CRPPA: variants seen among roughly 807,000 people sequenced by gnomAD.
The protein encoded by CRPPA is D-ribitol-5-phosphate cytidylyltransferase.
CRPPA carries 43 observed loss-of-function variants against 52.0 expected under a neutral mutation model. That is an observed-to-expected ratio of 0.83 (90% confidence interval 0.65 to 1.07). CRPPA has a LOEUF of 1.07. CRPPA is among the 50% of genes least tolerant of loss of function. The pLI, the probability that CRPPA is intolerant of heterozygous loss-of-function variation, is 0.00. For synonymous variants in CRPPA, 250 were observed against 203.5 expected (o/e 1.23, Z -1.94); for missense variants, 629 against 551.7 (o/e 1.14, Z -1.40).
intron 2 of CRPPA, among the ~76,000 whole-genome samples, chr7:16,380,473 C>T (rs1380855167): frequency 1.4e-4 from 22 of 152,178 alleles, no homozygotes; most frequent in Admixed American, 5.2e-4. Context: ...TGTCTCTGCC[C>T]GGCTTTGGTA....
chr7:16,275,069 G>A (rs1784172481), intron 6 of CRPPA, among the ~76,000 whole-genome samples: 1 of 151,814 alleles, frequency 6.6e-6, no homozygotes, highest in Admixed American at 6.6e-5. Context: ...GAGTGAGACA[G>A]TGTCTAAAAA....
intron 9 of CRPPA, among the ~76,000 whole-genome samples, chr7:16,129,428 G>T (rs1025104534): frequency 6.6e-6 from 1 of 151,942 alleles, no homozygotes; most frequent in African/African-American, 2.4e-5. Context: ...TCCTCCTCAA[G>T]AAAGTCTTTG....
chr7:16,349,895 T>G (rs1786102938), intron 3 of CRPPA, among the ~76,000 whole-genome samples: 1 of 151,792 alleles, frequency 6.6e-6, no homozygotes, highest in African/African-American at 2.4e-5. Flanking sequence ...GAAATCCAGA[T>G]CTAGGAAATC....
At chr7:16,329,128 T>C (rs1026155226) in intron 3 of CRPPA, among the ~76,000 whole-genome samples, 2 of 150,970 alleles carry the variant, frequency 1.3e-5, no homozygotes, top group African/African-American at 2.4e-5. Context: ...CTTGGGGATT[T>C]TTCCATAGGC....
intron 9 of CRPPA, among the ~76,000 whole-genome samples, chr7:16,215,464 T>G (rs1782278852): frequency 6.6e-6 from 1 of 152,234 alleles, no homozygotes; most frequent in Admixed American, 6.5e-5. Context: ...TCATTGTGCT[T>G]TCAGTGTAAC....
At chr7:16,127,898 G>A (rs573465123) in intron 9 of CRPPA, among the ~76,000 whole-genome samples, 40 of 152,196 alleles carry the variant, frequency 2.6e-4, no homozygotes, top group African/African-American at 8.9e-4. Context: ...CTGATTAAAC[G>A]TCAAATGTTA....
At position 16,300,016 on chromosome 7, in the gene CRPPA, G is replaced by A. The variant is rs747147577; in HGVS notation, c.835+1405C>T. Among the ~76,000 whole-genome samples, 18 of 152,244 alleles carry A rather than the reference G, an allele frequency of 1.2e-4. No individual in the cohort carries two copies. The South Asian group carries it at 1.5e-3, about 12-fold the overall frequency. ...ATTTCCTTGTGTTGAGGACACGACC[G>A]ACCACATCATCATTCAGCCGACTTT... On this transcript the variant is annotated intron_variant, in intron 5 of 9. Coordinates refer to ENST00000407010, the MANE Select transcript of CRPPA (RefSeq NM_001101426.4).
chr7:16,376,258 C>T lies in CRPPA; in HGVS notation c.535-17G>A. On this transcript the variant is annotated splice_polypyrimidine_tract_variant and intron_variant, in intron 2 of 9. Coordinates refer to ENST00000407010, the MANE Select transcript of CRPPA (RefSeq NM_001101426.4). ...TCCTGCTGCCTGAAGAACAAAGAGGCAAAGAATATATTTCACCTACAAGCC... is the reference window on the plus strand; with the variant it reads ...TCCTGCTGCCTGAAGAACAAAGAGGTAAAGAATATATTTCACCTACAAGCC... The T allele has an allele frequency of 6.3e-7, 1 of 1,583,144 alleles. No homozygotes were observed. The highest frequency in any genetic ancestry group is 8.6e-7 in the Non-Finnish European group (1 of 1,166,352).
intron 3 of CRPPA, among the ~76,000 whole-genome samples, chr7:16,334,990 G>A (rs1021543442): frequency 1.3e-5 from 2 of 151,874 alleles, no homozygotes; most frequent in African/African-American, 4.8e-5. Context: ...ATGGAGATGT[G>A]TGAAATGACT....
chr7:16,333,507 T>C (rs1785606408), intron 3 of CRPPA, among the ~76,000 whole-genome samples: 4 of 152,154 alleles, frequency 2.6e-5, no homozygotes, highest in African/African-American at 9.7e-5. Context: ...TTAATGAAAA[T>C]TAAAACAGAA....
chr7:16,417,236 G>A (rs376728847), intron 1 of CRPPA, among the ~76,000 whole-genome samples: 1 of 152,310 alleles, frequency 6.6e-6, no homozygotes, highest in East Asian at 1.9e-4. Flanking sequence ...GAAGTTTGGA[G>A]ATTTCTCAAA....
intron 9 of CRPPA, among the ~76,000 whole-genome samples, chr7:16,213,508 G>A (rs559159587): frequency 6.6e-6 from 1 of 152,018 alleles, no homozygotes; most frequent in South Asian, 2.1e-4. Context: ...CAGCACTTTG[G>A]GAGGCTGAGG....
intron 8 of CRPPA, among the ~76,000 whole-genome samples, chr7:16,255,092 G>C (rs889587229): frequency 2.0e-5 from 3 of 152,150 alleles, no homozygotes; most frequent in Non-Finnish European, 2.9e-5. Context: ...CTTCAGCAAA[G>C]TCTCAGGATA....
intron 5 of CRPPA, among the ~76,000 whole-genome samples, chr7:16,286,093 A>ATATATATATATATATATAT (rs1554309913): frequency 3.6e-5 from 1 of 27,724 alleles, no homozygotes; most frequent in Non-Finnish European, 6.3e-5. Flanking sequence ...TATTTAAAAA[A>ATATATATATATATATATAT]AAAAATATAT....
At chr7:16,101,566 G>T (rs1583355534) in intron 9 of CRPPA, among the ~76,000 whole-genome samples, 1 of 151,470 alleles carries the variant, frequency 6.6e-6, no homozygotes, top group South Asian at 2.1e-4. Flanking sequence ...TCTGGCTAGT[G>T]GTCTATCTAG....
At chr7:16,385,121 C>G (rs952574012) in intron 2 of CRPPA, among the ~76,000 whole-genome samples, 3 of 150,870 alleles carry the variant, frequency 2.0e-5, no homozygotes, top group Admixed American at 1.3e-4. Context: ...ACAATCCAAA[C>G]AAATGAGAAA....
chr7:16,286,044 A>AAAAAAAT lies in CRPPA; in HGVS notation c.836-7819_836-7818insATTTTTT, dbSNP rs1784429583. On this transcript the variant is annotated intron_variant, in intron 5 of 9. Coordinates refer to ENST00000407010, the MANE Select transcript of CRPPA (RefSeq NM_001101426.4). ...TCAAAAAAAAAAAAAAAAAAATATA[A>AAAAAAAT]ATATATATATATATATATATATATA... is the stretch of plus-strand genomic sequence containing the variant. 1.6e-4 allele frequency among the ~76,000 whole-genome samples: 2 copies of AAAAAAAT among 12,546 alleles called. 1 individual carries two copies. Among genetic ancestry groups the AAAAAAAT allele is most frequent in the African/African-American group, 1.1e-3 (2 of 1,896 alleles). 8.2% of individuals were successfully genotyped at this position (12,546 alleles called of 152,430 possible).
At chr7:16,345,516 G>A (rs988005820) in intron 3 of CRPPA, among the ~76,000 whole-genome samples, 1 of 152,070 alleles carries the variant, frequency 6.6e-6, no homozygotes, top group African/African-American at 2.4e-5. Flanking sequence ...GACAACTATA[G>A]AGAGCAATAA....
At chr7:16,347,321 A>G (rs1786039386) in intron 3 of CRPPA, among the ~76,000 whole-genome samples, 1 of 152,170 alleles carries the variant, frequency 6.6e-6, no homozygotes. Flanking sequence ...TTATTGCATT[A>G]TCAAAACATT....
Sources: allele counts gnomAD v4.1 joint callset (sites outside exome capture counted in the v4.1 genomes callset), GRCh38; gene constraint gnomAD v4.1.1; transcripts MANE v1.5; gene names NCBI Gene and HGNC (gene_info 2026-07-23, HGNC 2026-07-21).